The following SV2B variants were observed in gnomAD, a reference collection of about 807,000 sequenced individuals.
SV2B encodes synaptic vesicle glycoprotein 2B.
A neutral mutation model predicts 73.9 loss-of-function variants in SV2B; 41 were observed. That is an observed-to-expected ratio of 0.56 (90% CI 0.43 to 0.72). The LOEUF (loss-of-function observed/expected upper bound fraction) is 0.72, where lower values mean the gene tolerates loss of function less well. Ranked by LOEUF, SV2B falls within the 30% of genes least tolerant of loss-of-function variation. SV2B has a pLI of 0.00. For synonymous variants in SV2B, 314 were observed against 314.2 expected, an observed-to-expected ratio of 1.00 and a Z score of 0.01; for missense variants, 764 against 857.8, an observed-to-expected ratio of 0.89 and a Z score of 1.37.
intron 1 of SV2B, among the ~76,000 whole-genome samples, chr15:91,209,114 GTTT>G (rs903531189): frequency 1.1e-5 from 1 of 90,020 alleles, no homozygotes. Flanking sequence ...ACTGTTTTTT[GTTT>G]TTTTTTTTTT....
Position 91,261,454 on chromosome 15 carries a change from T to G in SV2B, c.1008+1045T>G, listed in dbSNP as rs2047906962. On this transcript the variant is annotated intron_variant, in intron 6 of 12. Transcript: ENST00000394232. This position sits in a 1 kb window ranked among gnomAD's most constrained non-coding sequence, Gnocchi z 4.7. ...CATGGTTTTCCTAACATGTCTCTAA[T>G]GTTAGAAGCTTGTTTATCCAGTTTT... Among the ~76,000 whole-genome samples the G allele has an allele frequency of 6.6e-6, 1 of 152,220 alleles. No individual in the cohort carries two copies. The highest frequency in any genetic ancestry group is 2.4e-5 in the African/African-American group (1 of 41,456).
Position 91,261,596 on chromosome 15 carries a change from T to C in SV2B, c.1008+1187T>C, listed in dbSNP as rs1217852517. On this transcript the variant is annotated intron_variant, in intron 6 of 12. Coordinates refer to ENST00000394232, the MANE Select transcript of SV2B (RefSeq NM_001323032.3). The surrounding 1 kb of genome is among the most constrained non-coding windows in gnomAD (Gnocchi z 4.7). ...AGTAGACTCCTAGAAATAAAAGTGC[T>C]GGCTCAGAGAGCTTGGATATTTTTA... Among the ~76,000 whole-genome samples the C allele has an allele frequency of 6.6e-6, 1 of 152,226 alleles. No individual in the cohort carries two copies. Among genetic ancestry groups the C allele is most frequent in the East Asian group, 1.9e-4 (1 of 5,202 alleles).
intron 2 of SV2B, 39 bp downstream of exon 2, chr15:91,226,753 A>AAGG (rs746337520): frequency 6.3e-7 from 1 of 1,576,494 alleles, no homozygotes; most frequent in South Asian, 1.2e-5. Flanking sequence ...AATGAAAGGG[A>AAGG]AGGAGAAGTA....
At chr15:91,208,011 A>T (rs2045707785) in intron 1 of SV2B, among the ~76,000 whole-genome samples, 1 of 152,138 alleles carries the variant, frequency 6.6e-6, no homozygotes, top group African/African-American at 2.4e-5. Context: ...TCTGTGGCCC[A>T]CTTCAGGGGA....
intron 2 of SV2B, among the ~76,000 whole-genome samples, chr15:91,250,569 T>C (rs954809056): frequency 6.6e-6 from 1 of 151,874 alleles, no homozygotes; most frequent in Non-Finnish European, 1.5e-5. Flanking sequence ...TAGAAAACCC[T>C]AAAGACTCCA....
chr15:91,150,450 C>T (rs2043280542), intron 1 of SV2B, among the ~76,000 whole-genome samples: 1 of 152,216 alleles, frequency 6.6e-6, no homozygotes, highest in Non-Finnish European at 1.5e-5. Flanking sequence ...GAATTATTAA[C>T]TTTCAGGTAG....
At chr15:91,196,035 T>C (rs2045233685) in intron 1 of SV2B, among the ~76,000 whole-genome samples, 1 of 152,230 alleles carries the variant, frequency 6.6e-6, no homozygotes. Context: ...GTAAAGTGTT[T>C]AAGTGCTTTA....
In SV2B at chr15:91,221,693, G is replaced by GCGCGCGCGCGCACACA. The variant is rs370290337; in HGVS notation, c.-391-4179_-391-4178insGCGCGCGCGCACACAC. Reference sequence around the variant, plus strand: ...CTGTGGACTATTACCAAGCATGTGCGCACACACACACACACACACACACAC... The same window carrying GCGCGCGCGCGCACACA: ...CTGTGGACTATTACCAAGCATGTGCGCGCGCGCGCGCACACACACACACACACACACACACACACAC... On this transcript the variant is annotated intron_variant, in intron 1 of 12. Transcript: ENST00000394232. Among the ~76,000 whole-genome samples the GCGCGCGCGCGCACACA allele has an allele frequency of 5.2e-3, 723 of 140,140 alleles. 8 individuals carry two copies. Among genetic ancestry groups the GCGCGCGCGCGCACACA allele is most frequent in the African/African-American group, 0.018 (639 of 35,802 alleles). 91.9% of individuals were successfully genotyped at this position (140,140 alleles called of 152,430 possible).
At chr15:91,189,917 G>GGCGGAGCTGGCAGTGAGCTGAGATT (rs2044938783) in intron 1 of SV2B, among the ~76,000 whole-genome samples, 1 of 152,106 alleles carries the variant, frequency 6.6e-6, no homozygotes, top group African/African-American at 2.4e-5. Context: ...GAACCCGGGA[G>GGCGGAGCTGGCAGTGAGCTGAGATT]GCGGAGCTGG....
intron 1 of SV2B, among the ~76,000 whole-genome samples, chr15:91,103,069 A>G (rs1032007350): frequency 1.3e-5 from 2 of 152,158 alleles, no homozygotes; most frequent in Non-Finnish European, 2.9e-5. Context: ...TAGGATTCCT[A>G]TTTGTCACTA....
chr15:91,170,740 G>A (rs751359268), intron 1 of SV2B, among the ~76,000 whole-genome samples: 10 of 152,190 alleles, frequency 6.6e-5, no homozygotes, highest in Non-Finnish European at 1.3e-4. Flanking sequence ...CTTGGCATCA[G>A]GCAAGTACTT....
In SV2B at chr15:91,115,120, G is replaced by A. The variant is rs1253693475; in HGVS notation, c.-392+14757G>A. Among the ~76,000 whole-genome samples the A allele has an allele frequency of 6.6e-6, 1 of 152,212 alleles. No homozygotes were observed. The highest frequency in any genetic ancestry group is 1.5e-5 in the Non-Finnish European group (1 of 68,030). ...AGAAGGGGACATAGGTCCTGAGCAG[G>A]CAAAGCCAACAGGTGTCCACTACAC... On this transcript the variant is annotated intron_variant, in intron 1 of 12. Coordinates refer to ENST00000394232, the MANE Select transcript of SV2B (RefSeq NM_001323032.3). This position sits in a 1 kb window ranked among gnomAD's most constrained non-coding sequence, Gnocchi z 4.3.
chr15:91,267,759 G>A lies in SV2B; in HGVS notation c.1208+116G>A, dbSNP rs2048156514. ...TTTGTATCAGGTAGGATGCTTTGGT[G>A]GCAAGTAGCAGAAAACCAACTCTAG... On this transcript the variant is annotated intron_variant, in intron 8 of 12. Transcript: ENST00000394232. This position sits in a 1 kb window ranked among gnomAD's most constrained non-coding sequence, Gnocchi z 4.3. 8 of 888,400 alleles carry A rather than the reference G, an allele frequency of 9.0e-6. No homozygotes were observed. The highest frequency in any genetic ancestry group is 1.3e-5 in the Non-Finnish European group (7 of 551,792). The allele number at this position is 888,400 out of a possible 1,614,324, so 55.0% of individuals were successfully genotyped here. A position where few individuals can be genotyped will look rare whatever the true frequency, so the allele number is the denominator to read the frequency against.
At chr15:91,175,038 A>C (rs1344061463) in intron 1 of SV2B, among the ~76,000 whole-genome samples, 1 of 152,224 alleles carries the variant, frequency 6.6e-6, no homozygotes, top group African/African-American at 2.4e-5. Flanking sequence ...ATATGGGAGC[A>C]CATCTCAGAC....
intron 2 of SV2B, among the ~76,000 whole-genome samples, chr15:91,243,115 A>G (rs993671262): frequency 1.3e-5 from 2 of 152,172 alleles, no homozygotes; most frequent in East Asian, 1.9e-4. Flanking sequence ...CTATTCCTAT[A>G]TCTCATCAGA....
Position 91,268,819 on chromosome 15 carries a change from CTGG to C in SV2B, c.1373+217_1373+219del, listed in dbSNP as rs1280614670. Among the ~76,000 whole-genome samples the C allele has an allele frequency of 1.3e-5, 2 of 152,174 alleles. No homozygotes were observed. The highest frequency in any genetic ancestry group is 2.9e-5 in the Non-Finnish European group (2 of 68,034). ...GCTGGCTCCCCGACACCCTAATCTC[CTGG>C]TGAGAGCTATTTCATGTGAGGATGG... is the stretch of plus-strand genomic sequence containing the variant. On this transcript the variant is annotated intron_variant, in intron 9 of 12. Coordinates refer to ENST00000394232, the MANE Select transcript of SV2B (RefSeq NM_001323032.3). The surrounding 1 kb of genome is among the most constrained non-coding windows in gnomAD (Gnocchi z 4.4).
chr15:91,210,745 T>G (rs898778624), intron 1 of SV2B, among the ~76,000 whole-genome samples: 9 of 152,226 alleles, frequency 5.9e-5, no homozygotes, highest in African/African-American at 2.2e-4. Flanking sequence ...TCATGCCAGC[T>G]TTGAGTTTTT....
chr15:91,170,403 T>G (rs573470640), intron 1 of SV2B, among the ~76,000 whole-genome samples: 121 of 152,334 alleles, frequency 7.9e-4, no homozygotes, highest in African/African-American at 2.7e-3. Context: ...TTCTCCTGCC[T>G]CAGCCTCCCG....
chr15:91,192,535 T>C (rs2045077038), intron 1 of SV2B, among the ~76,000 whole-genome samples: 1 of 152,216 alleles, frequency 6.6e-6, no homozygotes, highest in Non-Finnish European at 1.5e-5. Context: ...AGGGATGTGA[T>C]GAGAAATCAG....
Sources: gnomAD v4.1 joint callset for allele counts (sites outside exome capture counted in the v4.1 genomes callset) on GRCh38, gnomAD v4.1.1 for gene constraint, Gnocchi (gnomAD v3.1) non-coding constraint, MANE v1.5 for transcripts, NCBI Gene and HGNC (gene_info 2026-07-23, HGNC 2026-07-21) for gene names.